NPHP4: variants seen among roughly 807,000 people sequenced by gnomAD.
NPHP4 encodes the protein nephrocystin-4.
NPHP4 carries 151 observed loss-of-function variants against 155.8 expected under a neutral mutation model. The ratio of observed to expected loss-of-function variants is 0.97; its 90% CI spans 0.85 to 1.11. The LOEUF is 1.11. NPHP4 is among the 50% of genes least tolerant of loss of function. The probability of loss-of-function intolerance (pLI) is 0.00; values close to 1 mark genes in which losing one functional copy is unlikely to be tolerated. For missense variants in NPHP4, 1,956 were observed against 1,925.7 expected (o/e 1.02, Z -0.29); for synonymous variants, 845 against 816.8 (o/e 1.03, Z -0.59).
rs1380862566 is a variant in NPHP4 at position 5,952,706 on chromosome 1, G to A, written c.804C>T (p.Phe268=). The change falls in exon 7 of 30, where the codon TTC becomes TTT. Residue 268 remains phenylalanine (F), a synonymous_variant. Transcript: ENST00000378156. Reference sequence around the variant, plus strand: ...CACGCTTCTGACTCCACACCTCCTGGAAGTGGTCCTGGACGTGGAGCTCCA... The same window carrying A: ...CACGCTTCTGACTCCACACCTCCTGAAAGTGGTCCTGGACGTGGAGCTCCA... ...ELLELHVQDH[F]QEGCGPLDGG... The A allele has an allele frequency of 1.3e-6, 2 of 1,553,472 alleles. No homozygotes were observed. The highest frequency in any genetic ancestry group is 1.9e-5 in the Admixed American group (1 of 51,368).
At chr1:5,883,967 G>C (rs1476569617) in intron 18 of NPHP4, among the ~76,000 whole-genome samples, 1 of 152,190 alleles carries the variant, frequency 6.6e-6, no homozygotes, top group Non-Finnish European at 1.5e-5. Context: ...GCAGGACACG[G>C]AACCCTGCTG....
rs1643359322 is a variant in NPHP4, at chr1:5,882,239, AGTG to A, written c.2486-2003_2486-2001del. The A allele has an allele frequency of 7.7e-6, 1 of 129,794 alleles. No individual in the cohort carries two copies. The highest frequency in any genetic ancestry group is 2.9e-5 in the African/African-American group (1 of 34,320). The allele number at this position is 129,794 out of a possible 1,614,324, so 8.0% of individuals were successfully genotyped here. ...TGGCGCGCTTACCCAGCCATCTCTC[AGTG>A]GCGCGCTTACCCAGCCATCTCTCAG... is the stretch of plus-strand genomic sequence containing the variant. On this transcript the variant is annotated intron_variant, in intron 18 of 29. Coordinates refer to ENST00000378156, the MANE Select transcript of NPHP4 (RefSeq NM_015102.5). The surrounding 1 kb of genome is among the most constrained non-coding windows in gnomAD (Gnocchi z 5.1).
Position 5,948,892 on chromosome 1 carries a change from T to G in NPHP4, c.811-641A>C, listed in dbSNP as rs1440724000. Among the ~76,000 whole-genome samples the G allele has an allele frequency of 2.6e-5, 4 of 152,334 alleles. No homozygotes were observed. In the East Asian group the frequency reaches 7.7e-4, roughly 29 times the overall value. ...AAAAATGTACAGGCGCTATAACAAA[T>G]GAACAAGGATATTCCCCTGGCTATT... On this transcript the variant is annotated intron_variant, in intron 7 of 29. Transcript: ENST00000378156.
chr1:5,864,453 C>T lies in NPHP4; in HGVS notation c.3881G>A (p.Arg1294Lys), dbSNP rs1237362743. Residue 1294 changes from arginine to lysine, a missense_variant, in exon 28 of 30, where the codon AGG becomes AAG. Coordinates refer to ENST00000378156, the MANE Select transcript of NPHP4 (RefSeq NM_015102.5). ...RGVQDLHVGV[R>K]PLRAGSRFVH... The stretch of plus-strand genomic sequence containing the variant: ...AAAGCGGCTGCCGGCCCTAAGGGGC[C>T]TCACGCCAACATGCAGGTCCTGCAC... The T allele has an allele frequency of 6.2e-7, 1 of 1,606,002 alleles. No homozygotes were observed. Among genetic ancestry groups the T allele is most frequent in the Non-Finnish European group, 8.5e-7 (1 of 1,176,774 alleles).
intron 20 of NPHP4, 60 bp from the exon 21 acceptor site, chr1:5,875,160 T>C: frequency 7.5e-7 from 1 of 1,329,514 alleles, no homozygotes. Context: ...CACAAGGGGC[T>C]ATTGCTGGCT....
chr1:5,903,196 T>C (rs947528377), intron 16 of NPHP4, among the ~76,000 whole-genome samples: 11 of 152,224 alleles, frequency 7.2e-5, no homozygotes, highest in Non-Finnish European at 1.3e-4. Context: ...ACTCCCATGA[T>C]TGTGGAGGTT....
At chr1:5,871,660 G>A (rs1285681213) in intron 23 of NPHP4, among the ~76,000 whole-genome samples, 3 of 152,206 alleles carry the variant, frequency 2.0e-5, no homozygotes, top group African/African-American at 7.2e-5. Flanking sequence ...GATGGCATCA[G>A]GCCATCAGCA....
chr1:5,930,813 T>G (rs1646235277), intron 10 of NPHP4, among the ~76,000 whole-genome samples: 1 of 152,262 alleles, frequency 6.6e-6, no homozygotes, highest in Admixed American at 6.5e-5. Flanking sequence ...TCAGTCCTTC[T>G]GTATCATTGC....
At chr1:5,925,021 T>C (rs140910925) in intron 11 of NPHP4, among the ~76,000 whole-genome samples, 1 of 152,314 alleles carries the variant, frequency 6.6e-6, no homozygotes, top group Non-Finnish European at 1.5e-5. Flanking sequence ...TCCTGAAAGC[T>C]AGCTATACAG....
Position 5,905,359 on chromosome 1 carries a change from G to A in NPHP4, c.1888C>T (p.Pro630Ser). The A allele has an allele frequency of 1.2e-6, 2 of 1,613,900 alleles. No homozygotes were observed. Among genetic ancestry groups the A allele is most frequent in the Non-Finnish European group, 1.7e-6 (2 of 1,179,796 alleles). ...VSATEPVTFN[P>S]QKEESDCLQS... Reference sequence around the variant, plus strand: ...AGACAATCTGATTCTTCCTTCTGAGGGTTAAACGTCACAGGTTCTGTAGCG... The same window carrying A: ...AGACAATCTGATTCTTCCTTCTGAGAGTTAAACGTCACAGGTTCTGTAGCG... The change falls in exon 15 of 30, where the codon CCT becomes TCT. Residue 630 changes from proline to serine, a missense_variant. Coordinates refer to ENST00000378156, the MANE Select transcript of NPHP4 (RefSeq NM_015102.5). The surrounding 1 kb of genome is among the most constrained non-coding windows in gnomAD (Gnocchi z 4.0).
At chr1:5,948,951 G>C (rs747680012) in intron 7 of NPHP4, among the ~76,000 whole-genome samples, 15 of 152,176 alleles carry the variant, frequency 9.9e-5, no homozygotes, top group Non-Finnish European at 1.8e-4. Flanking sequence ...TTTGCAAAAT[G>C]ATCCTCAAAT....
chr1:5,914,344 A>AGAT (rs1645352808), intron 11 of NPHP4, among the ~76,000 whole-genome samples: 1 of 147,480 alleles, frequency 6.8e-6, no homozygotes, highest in Non-Finnish European at 1.5e-5. Context: ...AGAAGTGGGA[A>AGAT]GATCACTTGG....
chr1:5,864,827 CTG>C (rs1295948571), intron 27 of NPHP4: 2 of 547,084 alleles, frequency 3.7e-6, no homozygotes, highest in East Asian at 5.7e-5. Context: ...CCCCGTCTAA[CTG>C]TGGCTTCACT....
At chr1:5,901,761 A>T (rs1570344792) in intron 16 of NPHP4, among the ~76,000 whole-genome samples, 1 of 152,176 alleles carries the variant, frequency 6.6e-6, no homozygotes, top group African/African-American at 2.4e-5. Context: ...CAGAGTGGGG[A>T]ATGAGTCTTC....
At chr1:5,921,821 C>T (rs1645753137) in intron 11 of NPHP4, among the ~76,000 whole-genome samples, 1 of 152,226 alleles carries the variant, frequency 6.6e-6, no homozygotes, top group South Asian at 2.1e-4. Context: ...TATTATTGTA[C>T]ATGACATGAA....
In NPHP4 at chr1:5,986,296, C is replaced by G; in HGVS notation, c.-7G>C. On this transcript the variant is annotated 5_prime_UTR_variant, in exon 2 of 30. Coordinates refer to ENST00000378156, the MANE Select transcript of NPHP4 (RefSeq NM_015102.5). ...TCCTGTGCCAGTCGTTCATCCTGCC[C>G]GCCTGAGGGTCCCGTGGGCTTCCCG... 6.2e-7 allele frequency: 1 copy of G among 1,613,396 alleles called. No homozygotes were observed. Among genetic ancestry groups the G allele is most frequent in the Non-Finnish European group, 8.5e-7 (1 of 1,179,656 alleles).
intron 2 of NPHP4, among the ~76,000 whole-genome samples, chr1:5,983,582 T>C (rs1451891370): frequency 6.6e-6 from 1 of 152,170 alleles, no homozygotes; most frequent in Non-Finnish European, 1.5e-5. Context: ...ATCCCCCATA[T>C]GCCTCCTCCC....
intron 29 of NPHP4, 40 bp downstream of exon 29, chr1:5,863,850 G>A (rs145030562): frequency 1.5e-5 from 24 of 1,610,174 alleles, no homozygotes; most frequent in Admixed American, 3.3e-5. Flanking sequence ...TCAGGTCCCC[G>A]GGTCTTCCCC....
chr1:5,877,192 G>A lies in NPHP4; in HGVS notation c.2718C>T (p.Arg906=), dbSNP rs576473519. 2.4e-5 allele frequency: 39 copies of A among 1,604,128 alleles called. No homozygotes were observed. The highest frequency in any genetic ancestry group is 1.8e-4 in the East Asian group (8 of 44,452). ...TACGCCTGCGGGTGGCATCCGACTC[G>A]CGGCTGACGTCCTGGGGCCCCTTGC... ...RQGKGPQDVS[R]ESDATRRRKL... The change falls in exon 20 of 30, where the codon CGC becomes CGT. Residue 906 remains arginine (R), a synonymous_variant. Transcript: ENST00000378156.
Sources: gnomAD v4.1 joint callset for allele counts (sites outside exome capture counted in the v4.1 genomes callset) on GRCh38, gnomAD v4.1.1 for gene constraint, Gnocchi (gnomAD v3.1) non-coding constraint, MANE v1.5 for transcripts, NCBI Gene and HGNC (gene_info 2026-07-23, HGNC 2026-07-21) for gene names.